RNF38: variants seen among roughly 807,000 people sequenced by gnomAD.
RNF38 encodes the protein E3 ubiquitin-protein ligase RNF38.
RNF38 carries 15 observed loss-of-function variants against 67.2 expected under a neutral mutation model. That is an observed-to-expected ratio of 0.22 (90% CI 0.15 to 0.34). The LOEUF is 0.34. Among genes scored for constraint, RNF38 ranks in the 10% least tolerant of loss-of-function variants. The pLI, the probability that RNF38 is intolerant of heterozygous loss-of-function variation, is 1.00. For synonymous variants in RNF38, 220 were observed against 218.8 expected (o/e 1.01, Z -0.05); for missense variants, 524 against 639.9 (o/e 0.82, Z 1.95).
intron 1 of RNF38, among the ~76,000 whole-genome samples, chr9:36,446,455 GTTTC>G (rs559410030): frequency 3.3e-4 from 51 of 152,262 alleles, no homozygotes; most frequent in Middle Eastern, 3.4e-3. Flanking sequence ...GGAAACAACT[GTTTC>G]TTTCTTTCTT....
chr9:36,422,410 C>CA (rs1315946738), intron 2 of RNF38, among the ~76,000 whole-genome samples: 1 of 150,886 alleles, frequency 6.6e-6, no homozygotes, highest in East Asian at 1.9e-4. Context: ...AAGGGAGACT[C>CA]AGTCTACCCA....
chr9:36,452,734 T>C lies in RNF38; in HGVS notation n.242-28051A>G, dbSNP rs374706748. On this transcript the variant is annotated intron_variant and non_coding_transcript_variant, in intron 1 of 3. Transcript: ENST00000488058. ...TTTTGGTAGAGATGGGGTTTTGCCA[T>C]GTTGGCCAGGCTGGTCTCAAAGTCC... 8.5e-5 allele frequency among the ~76,000 whole-genome samples: 13 copies of C among 152,278 alleles called. No individual in the cohort carries two copies. In the South Asian group the frequency reaches 2.5e-3, roughly 29 times the overall value.
chr9:36,462,055 T>G (rs147677220), intron 1 of RNF38, among the ~76,000 whole-genome samples: 1 of 152,274 alleles, frequency 6.6e-6, no homozygotes, highest in East Asian at 1.9e-4. Context: ...ACAAGGATTA[T>G]GAGATTACAG....
chr9:36,397,737 G>A (rs1837645570), intron 1 of RNF38, among the ~76,000 whole-genome samples: 1 of 152,186 alleles, frequency 6.6e-6, no homozygotes, highest in Non-Finnish European at 1.5e-5. Flanking sequence ...AGAGAATGCA[G>A]AAATAAAGGG....
intron 1 of RNF38, among the ~76,000 whole-genome samples, chr9:36,441,646 T>C (rs917264387): frequency 2.0e-5 from 3 of 152,150 alleles, no homozygotes; most frequent in Non-Finnish European, 4.4e-5. Flanking sequence ...ATACTGATTA[T>C]AATATAATAT....
intron 1 of RNF38, among the ~76,000 whole-genome samples, chr9:36,394,150 C>T (rs1837353473): frequency 6.6e-6 from 1 of 152,208 alleles, no homozygotes; most frequent in Non-Finnish European, 1.5e-5. Flanking sequence ...TGGCGCACAC[C>T]TGTAGTCCCA....
rs187531035 is a variant in RNF38 at position 36,367,673 on chromosome 9, T to C, written c.570+2046A>G. 4.4e-3 allele frequency among the ~76,000 whole-genome samples: 674 copies of C among 152,334 alleles called. 2 individuals carry two copies. The highest frequency in any genetic ancestry group is 0.014 in the African/African-American group (583 of 41,574). On this transcript the variant is annotated intron_variant, in intron 4 of 11. Transcript: ENST00000259605. Reference sequence around the variant, plus strand: ...TAGCTATGGTTTATTATTTAAAACTTTTTCATCTGTATTCATGAGGGAAAC... The same window carrying C: ...TAGCTATGGTTTATTATTTAAAACTCTTTCATCTGTATTCATGAGGGAAAC...
At chr9:36,459,281 T>C (rs138154722) in intron 1 of RNF38, among the ~76,000 whole-genome samples, 55 of 151,604 alleles carry the variant, frequency 3.6e-4, no homozygotes, top group Non-Finnish European at 7.2e-4. Flanking sequence ...GGGACAGAAA[T>C]GTTCTGGGGG....
chr9:36,385,668 C>T (rs1400454555), intron 2 of RNF38, among the ~76,000 whole-genome samples: 1 of 152,142 alleles, frequency 6.6e-6, no homozygotes, highest in African/African-American at 2.4e-5. Flanking sequence ...CATGAGCCAC[C>T]GTGCCCAGCC....
chr9:36,437,030 G>C (rs1249787499), intron 1 of RNF38, among the ~76,000 whole-genome samples: 1 of 152,134 alleles, frequency 6.6e-6, no homozygotes, highest in African/African-American at 2.4e-5. Flanking sequence ...TTCCTATGCA[G>C]ATAAACATTT....
upstream of RNF38, chr9:36,400,517 C>A: frequency 1.0e-6 from 1 of 994,816 alleles, no homozygotes; most frequent in Non-Finnish European, 1.2e-6. Context: ...GCCCGTCCCG[C>A]CCTCGCGCTG....
chr9:36,340,009 C>A (rs1281787727), intron 11 of RNF38, among the ~76,000 whole-genome samples, 195 bp from the exon 12 acceptor site: 1 of 151,860 alleles, frequency 6.6e-6, no homozygotes, highest in Non-Finnish European at 1.5e-5. Flanking sequence ...GATGGAGTTT[C>A]GCTCTTGTTG....
intron 1 of RNF38, among the ~76,000 whole-genome samples, chr9:36,441,575 G>A (rs967494697): frequency 5.3e-5 from 8 of 152,032 alleles, no homozygotes; most frequent in African/African-American, 1.9e-4. Context: ...CACCCAGCTC[G>A]GCCTCCCAAG....
chr9:36,347,218 A>C (rs10758370), intron 9 of RNF38, among the ~76,000 whole-genome samples: 134,448 of 150,024 alleles, frequency 0.9, 61,050 homozygotes, highest in Non-Finnish European at 0.98. Flanking sequence ...TATCATTGAT[A>C]ATGATCTTTT....
intron 1 of RNF38, among the ~76,000 whole-genome samples, chr9:36,446,678 C>T (rs1468784159): frequency 6.6e-6 from 1 of 151,230 alleles, no homozygotes; most frequent in Non-Finnish European, 1.5e-5. Context: ...CATGATGGCC[C>T]CCGCCTGTAA....
intron 1 of RNF38, among the ~76,000 whole-genome samples, chr9:36,391,878 G>A (rs1254240019): frequency 1.3e-5 from 2 of 152,144 alleles, no homozygotes; most frequent in Non-Finnish European, 2.9e-5. Context: ...CTCCCGAAGT[G>A]CTGGGATTAC....
chr9:36,398,636 G>A (rs1194638644), intron 1 of RNF38, among the ~76,000 whole-genome samples: 2 of 152,154 alleles, frequency 1.3e-5, no homozygotes, highest in African/African-American at 4.8e-5. Context: ...CAATCTGTTC[G>A]CTCTTTCCAG....
intron 2 of RNF38, among the ~76,000 whole-genome samples, chr9:36,407,106 A>C (rs1374594865): frequency 2.0e-5 from 3 of 152,246 alleles, no homozygotes; most frequent in Admixed American, 1.3e-4. Flanking sequence ...GCATGCTACA[A>C]CTTGATCTAC....
chr9:36,424,545 G>A (rs1023061771), intron 2 of RNF38: 12 of 644,530 alleles, frequency 1.9e-5, no homozygotes, highest in South Asian at 1.4e-4. Context: ...CCAGAGTTAC[G>A]CAAGAGAATC....
Sources: allele counts gnomAD v4.1 joint callset (sites outside exome capture counted in the v4.1 genomes callset), GRCh38; gene constraint gnomAD v4.1.1; transcripts MANE v1.5; gene names NCBI Gene and HGNC (gene_info 2026-07-23, HGNC 2026-07-21).